CAMK2N2: variants seen among roughly 807,000 people sequenced by gnomAD.
CAMK2N2 encodes the protein calcium/calmodulin-dependent protein kinase II inhibitor 2.
A neutral mutation model predicts 7.8 loss-of-function variants in CAMK2N2; 3 were observed. The ratio of observed to expected loss-of-function variants is 0.38; its 90% confidence interval spans 0.18 to 0.99. The LOEUF (loss-of-function observed/expected upper bound fraction) is 0.99, where lower values mean the gene tolerates loss of function less well. Among genes scored for constraint, CAMK2N2 ranks in the 50% least tolerant of loss-of-function variants. The pLI is 0.37. For synonymous variants in CAMK2N2, 45 were observed against 46.6 expected, an observed-to-expected ratio of 0.97 and a Z score of 0.14; for missense variants, 85 against 108.4, an observed-to-expected ratio of 0.78 and a Z score of 0.96.
rs1720045534 is a variant in CAMK2N2 at position 184,261,422 on chromosome 3, C to T, written c.-137G>A. On this transcript the variant is annotated 5_prime_UTR_variant, in exon 1 of 2. Coordinates refer to ENST00000296238, the MANE Select transcript of CAMK2N2 (RefSeq NM_033259.3). This position sits in a 1 kb window ranked among gnomAD's most constrained non-coding sequence, Gnocchi z 5.1. ...TCATGCAGCATCCGGGGCTGAGGAG[C>T]CAAGCGGGGCCTCCTCCCCCGCGCC... 6.3e-6 allele frequency: 4 copies of T among 632,200 alleles called. No homozygotes were observed. Among genetic ancestry groups the T allele is most frequent in the African/African-American group, 1.9e-5 (1 of 51,438 alleles). The allele number at this position is 632,200 out of a possible 1,614,324, so 39.2% of individuals were successfully genotyped here.
rs1316180297 is a variant in CAMK2N2, at chr3:184,260,280, G to A, written c.170-53C>T. Reference sequence around the variant, plus strand: ...CGCGGCCTCGGGGGGCGGCGGCGATGAGAATGAGCCCCGCGTCCTAGCTTC... The same window carrying A: ...CGCGGCCTCGGGGGGCGGCGGCGATAAGAATGAGCCCCGCGTCCTAGCTTC... On this transcript the variant is annotated intron_variant, in intron 1 of 1. Transcript: ENST00000296238. This position sits in a 1 kb window ranked among gnomAD's most constrained non-coding sequence, Gnocchi z 6.6. The A allele has an allele frequency of 2.9e-5, 45 of 1,547,502 alleles. No homozygotes were observed. Among genetic ancestry groups the A allele is most frequent in the Non-Finnish European group, 3.4e-5 (38 of 1,127,058 alleles).
chr3:184,260,326 GC>G lies in CAMK2N2; in HGVS notation c.170-100del. On this transcript the variant is annotated intron_variant, in intron 1 of 1. Transcript: ENST00000296238. The surrounding 1 kb of genome is among the most constrained non-coding windows in gnomAD (Gnocchi z 6.6). Reference sequence around the variant, plus strand: ...GCTTCCCGCGCAGCTACTGCCCGTGGCCCAGCGACGCCCCTCGGAACCCTGT... The same window carrying G: ...GCTTCCCGCGCAGCTACTGCCCGTGGCCAGCGACGCCCCTCGGAACCCTGT... The G allele has an allele frequency of 1.8e-6, 2 of 1,114,422 alleles. No homozygotes were observed. The highest frequency in any genetic ancestry group is 2.6e-6 in the Non-Finnish European group (2 of 773,932). 69.0% of individuals were successfully genotyped at this position (1,114,422 alleles called of 1,614,324 possible).
At position 184,261,333 on chromosome 3, in the gene CAMK2N2, G is replaced by T; in HGVS notation, c.-48C>A. 7.4e-7 allele frequency: 1 copy of T among 1,354,224 alleles called. No individual in the cohort carries two copies. 83.9% of individuals were successfully genotyped at this position (1,354,224 alleles called of 1,614,324 possible). Reference sequence around the variant, plus strand: ...GGCGGGAGCGGGACTGCGGCGGGGCGCGGGCGGCGGGCTTGCTGCCGGACC... The same window carrying T: ...GGCGGGAGCGGGACTGCGGCGGGGCTCGGGCGGCGGGCTTGCTGCCGGACC... On this transcript the variant is annotated 5_prime_UTR_variant, in exon 1 of 2. Coordinates refer to ENST00000296238, the MANE Select transcript of CAMK2N2 (RefSeq NM_033259.3). This position sits in a 1 kb window ranked among gnomAD's most constrained non-coding sequence, Gnocchi z 5.1.
At position 184,261,430 on chromosome 3, in the gene CAMK2N2, G is replaced by C. The variant is rs1039176258; in HGVS notation, c.-145C>G. ...CATCCGGGGCTGAGGAGCCAAGCGG[G>C]GCCTCCTCCCCCGCGCCTCCGCCTC... On this transcript the variant is annotated 5_prime_UTR_variant, in exon 1 of 2. Coordinates refer to ENST00000296238, the MANE Select transcript of CAMK2N2 (RefSeq NM_033259.3). This position sits in a 1 kb window ranked among gnomAD's most constrained non-coding sequence, Gnocchi z 5.1. 1 of 585,720 alleles carries C rather than the reference G, an allele frequency of 1.7e-6. No homozygotes were observed. The highest frequency in any genetic ancestry group is 2.4e-6 in the Non-Finnish European group (1 of 413,956). 36.3% of individuals were successfully genotyped at this position (585,720 alleles called of 1,614,324 possible).
rs539254561 is a variant in CAMK2N2 at position 184,261,351 on chromosome 3, G to A, written c.-66C>T. On this transcript the variant is annotated 5_prime_UTR_variant, in exon 1 of 2. Transcript: ENST00000296238. This position sits in a 1 kb window ranked among gnomAD's most constrained non-coding sequence, Gnocchi z 5.1. The stretch of plus-strand genomic sequence containing the variant: ...GCGGGGCGCGGGCGGCGGGCTTGCT[G>A]CCGGACCGGCCCTACCTCAGCAGGG... The A allele has an allele frequency of 5.5e-5, 71 of 1,299,570 alleles. 1 individual carries two copies. In the Middle Eastern group the frequency reaches 2.2e-3, roughly 41 times the overall value. 80.5% of individuals were successfully genotyped at this position (1,299,570 alleles called of 1,614,324 possible).
chr3:184,260,326 G>A lies in CAMK2N2; in HGVS notation c.170-99C>T. ...GCTTCCCGCGCAGCTACTGCCCGTGGCCCAGCGACGCCCCTCGGAACCCTG... is the reference window on the plus strand; with the variant it reads ...GCTTCCCGCGCAGCTACTGCCCGTGACCCAGCGACGCCCCTCGGAACCCTG... On this transcript the variant is annotated intron_variant, in intron 1 of 1. Coordinates refer to ENST00000296238, the MANE Select transcript of CAMK2N2 (RefSeq NM_033259.3). This position sits in a 1 kb window ranked among gnomAD's most constrained non-coding sequence, Gnocchi z 6.6. The A allele has an allele frequency of 9.0e-6, 10 of 1,114,426 alleles. No homozygotes were observed. The highest frequency in any genetic ancestry group is 1.3e-5 in the Non-Finnish European group (10 of 773,936). 69.0% of individuals were successfully genotyped at this position (1,114,426 alleles called of 1,614,324 possible).
chr3:184,261,009 C>A lies in CAMK2N2; in HGVS notation c.169+108G>T. ...AGCCCGGGCTGGAGAGCGGCTGGTGCGCTGGTCTGCGGCAAGAGCTGCGGG... is the reference window on the plus strand; with the variant it reads ...AGCCCGGGCTGGAGAGCGGCTGGTGAGCTGGTCTGCGGCAAGAGCTGCGGG... On this transcript the variant is annotated intron_variant, in intron 1 of 1. Transcript: ENST00000296238. The surrounding 1 kb of genome is among the most constrained non-coding windows in gnomAD (Gnocchi z 5.1). 1.9e-6 allele frequency: 2 copies of A among 1,055,080 alleles called. No individual in the cohort carries two copies. The highest frequency in any genetic ancestry group is 2.5e-6 in the Non-Finnish European group (2 of 791,410). The allele number at this position is 1,055,080 out of a possible 1,614,324, so 65.4% of individuals were successfully genotyped here.
In CAMK2N2 at chr3:184,261,288, C is replaced by A; in HGVS notation, c.-3G>T. 7.4e-7 allele frequency: 1 copy of A among 1,343,812 alleles called. No homozygotes were observed. The highest frequency in any genetic ancestry group is 9.8e-7 in the Non-Finnish European group (1 of 1,023,442). The allele number at this position is 1,343,812 out of a possible 1,614,324, so 83.2% of individuals were successfully genotyped here. The stretch of plus-strand genomic sequence containing the variant: ...CTGTAGGGCAGGATCTCGGACATGG[C>A]GGGCGCGGGGTGGGCGCGGGGCGGG... On this transcript the variant is annotated 5_prime_UTR_variant, in exon 1 of 2. Transcript: ENST00000296238. This position sits in a 1 kb window ranked among gnomAD's most constrained non-coding sequence, Gnocchi z 5.1.
chr3:184,261,277 C>T lies in CAMK2N2; in HGVS notation c.9G>A (p.Glu3=). ...TCTTGTCTTCGCTGTAGGGCAGGAT[C>T]TCGGACATGGCGGGCGCGGGGTGGG... MS[E]ILPYSEDKMG... is the part of the protein sequence containing the mutation. The change falls in exon 1 of 2, where the codon GAG becomes GAA. Residue 3 remains glutamate, a synonymous_variant. Transcript: ENST00000296238. This position sits in a 1 kb window ranked among gnomAD's most constrained non-coding sequence, Gnocchi z 5.1. 1 of 1,562,010 alleles carries T rather than the reference C, an allele frequency of 6.4e-7. No individual in the cohort carries two copies. The highest frequency in any genetic ancestry group is 1.2e-5 in the South Asian group (1 of 85,262).
chr3:184,261,034 G>A lies in CAMK2N2; in HGVS notation c.169+83C>T. 1.4e-6 allele frequency: 2 copies of A among 1,406,508 alleles called. No individual in the cohort carries two copies. Among genetic ancestry groups the A allele is most frequent in the South Asian group, 2.8e-5 (2 of 70,388 alleles). The allele number at this position is 1,406,508 out of a possible 1,614,324, so 87.1% of individuals were successfully genotyped here. ...CGCTGGTCTGCGGCAAGAGCTGCGG[G>A]CACTCGGCGGGGAACGGCAGCCGGG... On this transcript the variant is annotated intron_variant, in intron 1 of 1. Coordinates refer to ENST00000296238, the MANE Select transcript of CAMK2N2 (RefSeq NM_033259.3). The surrounding 1 kb of genome is among the most constrained non-coding windows in gnomAD (Gnocchi z 5.1).
In CAMK2N2 at chr3:184,260,229, T is replaced by C. The variant is rs762676759; in HGVS notation, c.170-2A>G. 6.2e-7 allele frequency: 1 copy of C among 1,609,106 alleles called. No individual in the cohort carries two copies. The highest frequency in any genetic ancestry group is 8.5e-7 in the Non-Finnish European group (1 of 1,177,758). ...CTATCCGGTCATCCTCGATCACCAC[T>C]GCGCAGGGAGAAAGCGCGTCAGCCG... On this transcript the variant is annotated splice_acceptor_variant, in intron 1 of 1. Transcript: ENST00000296238. LOFTEE classifies it high-confidence loss of function. This position sits in a 1 kb window ranked among gnomAD's most constrained non-coding sequence, Gnocchi z 6.6.
At position 184,261,249 on chromosome 3, in the gene CAMK2N2, C is replaced by G; in HGVS notation, c.37G>C (p.Gly13Arg). 6.3e-7 allele frequency: 1 copy of G among 1,598,962 alleles called. No homozygotes were observed. Residue 13 changes from glycine (G) to arginine (R), a missense_variant, in exon 1 of 2, where the codon GGC becomes CGC. Transcript: ENST00000296238. The surrounding 1 kb of genome is among the most constrained non-coding windows in gnomAD (Gnocchi z 5.1). ...CCCTCGGGGTCTGCGCCGAAGCGGC[C>G]CATCTTGTCTTCGCTGTAGGGCAGG... is the stretch of plus-strand genomic sequence containing the variant. The part of the protein sequence containing the change: ...EILPYSEDKM[G>R]RFGADPEGSD...
rs766575584 is a variant in CAMK2N2 at position 184,261,294 on chromosome 3, C to T, written c.-9G>A. ...GGCAGGATCTCGGACATGGCGGGCG[C>T]GGGGTGGGCGCGGGGCGGGAGCGGG... On this transcript the variant is annotated 5_prime_UTR_variant, in exon 1 of 2. Transcript: ENST00000296238. This position sits in a 1 kb window ranked among gnomAD's most constrained non-coding sequence, Gnocchi z 5.1. 13 of 1,228,800 alleles carry T rather than the reference C, an allele frequency of 1.1e-5. No homozygotes were observed. Among genetic ancestry groups the T allele is most frequent in the South Asian group, 1.3e-5 (1 of 75,540 alleles). 76.1% of individuals were successfully genotyped at this position (1,228,800 alleles called of 1,614,324 possible). A position where few individuals can be genotyped will look rare whatever the true frequency, so the allele number is the denominator to read the frequency against.
In CAMK2N2 at chr3:184,261,413, G is replaced by T; in HGVS notation, c.-128C>A. The stretch of plus-strand genomic sequence containing the variant: ...AGGATGAAGTCATGCAGCATCCGGG[G>T]CTGAGGAGCCAAGCGGGGCCTCCTC... On this transcript the variant is annotated 5_prime_UTR_variant, in exon 1 of 2. Transcript: ENST00000296238. The surrounding 1 kb of genome is among the most constrained non-coding windows in gnomAD (Gnocchi z 5.1). The T allele has an allele frequency of 4.0e-6, 3 of 746,554 alleles. No individual in the cohort carries two copies. Among genetic ancestry groups the T allele is most frequent in the Non-Finnish European group, 3.6e-6 (2 of 551,776 alleles). 46.2% of individuals were successfully genotyped at this position (746,554 alleles called of 1,614,324 possible).
In CAMK2N2 at chr3:184,260,996, A is replaced by T; in HGVS notation, c.169+121T>A. ...GACCCCCCCCTCCAGCCCGGGCTGGAGAGCGGCTGGTGCGCTGGTCTGCGG... is the reference window on the plus strand; with the variant it reads ...GACCCCCCCCTCCAGCCCGGGCTGGTGAGCGGCTGGTGCGCTGGTCTGCGG... On this transcript the variant is annotated intron_variant, in intron 1 of 1. Coordinates refer to ENST00000296238, the MANE Select transcript of CAMK2N2 (RefSeq NM_033259.3). The surrounding 1 kb of genome is among the most constrained non-coding windows in gnomAD (Gnocchi z 6.6). 18 of 788,550 alleles carry T rather than the reference A, an allele frequency of 2.3e-5. No homozygotes were observed. The highest frequency in any genetic ancestry group is 2.3e-5 in the Non-Finnish European group (13 of 563,844). 48.8% of individuals were successfully genotyped at this position (788,550 alleles called of 1,614,324 possible). A position where few individuals can be genotyped will look rare whatever the true frequency, so the allele number is the denominator to read the frequency against.
chr3:184,260,304 T>A lies in CAMK2N2; in HGVS notation c.170-77A>T. Reference sequence around the variant, plus strand: ...TGAGAATGAGCCCCGCGTCCTAGCTTCCCGCGCAGCTACTGCCCGTGGCCC... The same window carrying A: ...TGAGAATGAGCCCCGCGTCCTAGCTACCCGCGCAGCTACTGCCCGTGGCCC... On this transcript the variant is annotated intron_variant, in intron 1 of 1. Coordinates refer to ENST00000296238, the MANE Select transcript of CAMK2N2 (RefSeq NM_033259.3). This position sits in a 1 kb window ranked among gnomAD's most constrained non-coding sequence, Gnocchi z 6.6. 7.1e-7 allele frequency: 1 copy of A among 1,415,374 alleles called. No individual in the cohort carries two copies. Among genetic ancestry groups the A allele is most frequent in the South Asian group, 1.2e-5 (1 of 86,338 alleles). 87.7% of individuals were successfully genotyped at this position (1,415,374 alleles called of 1,614,324 possible). A position where few individuals can be genotyped will look rare whatever the true frequency, so the allele number is the denominator to read the frequency against.
Position 184,261,108 on chromosome 3 carries a change from G to A in CAMK2N2, c.169+9C>T, listed in dbSNP as rs1720030402. The A allele has an allele frequency of 6.3e-7, 1 of 1,593,782 alleles. No homozygotes were observed. Among genetic ancestry groups the A allele is most frequent in the Non-Finnish European group, 8.5e-7 (1 of 1,172,928 alleles). The stretch of plus-strand genomic sequence containing the variant: ...GGTCAGGCGGCGACTCCGGGCCCGG[G>A]CCGCGTACCTCGCTTGGCTCGGCCG... On this transcript the variant is annotated intron_variant, in intron 1 of 1. Coordinates refer to ENST00000296238, the MANE Select transcript of CAMK2N2 (RefSeq NM_033259.3). This position sits in a 1 kb window ranked among gnomAD's most constrained non-coding sequence, Gnocchi z 5.1.
Position 184,260,060 on chromosome 3 carries a change from TG to T in CAMK2N2, c.*96del. 1 of 607,428 alleles carries T rather than the reference TG, an allele frequency of 1.6e-6. No individual in the cohort carries two copies. Among genetic ancestry groups the T allele is most frequent in the Non-Finnish European group, 2.0e-6 (1 of 504,198 alleles). 37.6% of individuals were successfully genotyped at this position (607,428 alleles called of 1,614,324 possible). On this transcript the variant is annotated 3_prime_UTR_variant, in exon 2 of 2. Transcript: ENST00000296238. The surrounding 1 kb of genome is among the most constrained non-coding windows in gnomAD (Gnocchi z 6.6). ...CCTGCAGCCCCCGCCCGCGGGCGCC[TG>T]GGCCGGGGCGGGGGGGCGCCGGCAG...
At position 184,260,998 on chromosome 3, in the gene CAMK2N2, A is replaced by G; in HGVS notation, c.169+119T>C. The G allele has an allele frequency of 8.0e-6, 7 of 879,946 alleles. No individual in the cohort carries two copies. Among genetic ancestry groups the G allele is most frequent in the East Asian group, 4.3e-5 (1 of 23,366 alleles). The allele number at this position is 879,946 out of a possible 1,614,324, so 54.5% of individuals were successfully genotyped here. On this transcript the variant is annotated intron_variant, in intron 1 of 1. Transcript: ENST00000296238. This position sits in a 1 kb window ranked among gnomAD's most constrained non-coding sequence, Gnocchi z 6.6. Reference sequence around the variant, plus strand: ...CCCCCCCCTCCAGCCCGGGCTGGAGAGCGGCTGGTGCGCTGGTCTGCGGCA... The same window carrying G: ...CCCCCCCCTCCAGCCCGGGCTGGAGGGCGGCTGGTGCGCTGGTCTGCGGCA...
Sources: gnomAD v4.1 joint callset for allele counts on GRCh38, gnomAD v4.1.1 for gene constraint, Gnocchi (gnomAD v3.1) non-coding constraint, MANE v1.5 for transcripts, NCBI Gene and HGNC (gene_info 2026-07-23, HGNC 2026-07-21) for gene names.